IGF2R: variants seen among roughly 807,000 people sequenced by gnomAD.
The protein encoded by IGF2R is cation-independent mannose-6-phosphate receptor.
A neutral mutation model predicts 270.6 loss-of-function variants in IGF2R; 91 were observed. The ratio of observed to expected loss-of-function variants is 0.34; its 90% CI spans 0.28 to 0.40. The LOEUF is 0.40. IGF2R is among the 10% of genes least tolerant of loss of function. The pLI is 1.00. For missense variants in IGF2R, 2,805 were observed against 3,188.3 expected, an observed-to-expected ratio of 0.88 and a Z score of 2.90; for synonymous variants, 1,316 against 1,258.9, an observed-to-expected ratio of 1.05 and a Z score of -0.96.
At chr6:160,089,020 C>T in intron 42 of IGF2R, 87 bp from the exon 43 acceptor site, 1 of 1,361,276 alleles carries the variant, frequency 7.3e-7, no homozygotes, top group Non-Finnish European at 9.9e-7. Context: ...TGAGCTGCTT[C>T]AAGGGCTCCG....
chr6:160,055,871 T>C (rs757082562), intron 19 of IGF2R, among the ~76,000 whole-genome samples: 1 of 152,136 alleles, frequency 6.6e-6, no homozygotes, highest in Non-Finnish European at 1.5e-5. Context: ...TTGGGGGAGC[T>C]TTTTATGGAA....
At chr6:159,992,604 AC>A (rs1783996317) in intron 2 of IGF2R, among the ~76,000 whole-genome samples, 1 of 151,086 alleles carries the variant, frequency 6.6e-6, no homozygotes, top group Non-Finnish European at 1.5e-5. Flanking sequence ...GAAATCACAC[AC>A]ACACACACAC....
intron 5 of IGF2R, 98 bp from the exon 6 acceptor site, chr6:160,027,087 G>A: frequency 3.7e-6 from 5 of 1,336,964 alleles, no homozygotes; most frequent in Non-Finnish European, 4.2e-6. Flanking sequence ...AGACTTTTAG[G>A]AATTCAATAA....
intron 41 of IGF2R, among the ~76,000 whole-genome samples, chr6:160,085,754 T>C (rs1779085686): frequency 6.6e-6 from 1 of 152,236 alleles, no homozygotes; most frequent in Non-Finnish European, 1.5e-5. Context: ...ACAGGGCTAC[T>C]TCAGATTAGC....
rs769940770 is a variant in IGF2R at position 160,047,776 on chromosome 6, A to T, written c.2230-16A>T. Reference sequence around the variant, plus strand: ...TTCTCTTTTTGCCATCCCTCCGCGCATCTGCCGTGGATTAGGAAGAGGATA... The same window carrying T: ...TTCTCTTTTTGCCATCCCTCCGCGCTTCTGCCGTGGATTAGGAAGAGGATA... On this transcript the variant is annotated splice_polypyrimidine_tract_variant and intron_variant, in intron 16 of 47. Transcript: ENST00000356956. 3 of 1,518,884 alleles carry T rather than the reference A, an allele frequency of 2.0e-6. No individual in the cohort carries two copies. The African/African-American group carries it at 4.1e-5, about 21-fold the overall frequency. 94.1% of individuals were successfully genotyped at this position (1,518,884 alleles called of 1,614,324 possible).
intron 45 of IGF2R, among the ~76,000 whole-genome samples, chr6:160,099,687 C>T (rs568841274): frequency 1.3e-5 from 2 of 152,228 alleles, no homozygotes; most frequent in South Asian, 4.2e-4. Flanking sequence ...TATAATGAGA[C>T]AGTTTTGAAG....
At chr6:160,063,681 A>G (rs1562363437) in intron 27 of IGF2R, 51 bp downstream of exon 27, 1 of 1,397,590 alleles carries the variant, frequency 7.2e-7, no homozygotes, top group Non-Finnish European at 1.0e-6. Context: ...GAATTAAAAT[A>G]TTAAAATATT....
intron 31 of IGF2R, among the ~76,000 whole-genome samples, chr6:160,071,245 GC>G (rs1252301564): frequency 3.1e-5 from 4 of 128,652 alleles, no homozygotes; most frequent in African/African-American, 9.0e-5. Flanking sequence ...GTGTGTCGAG[GC>G]CCCTGTGCCC....
intron 23 of IGF2R, among the ~76,000 whole-genome samples, 181 bp from the exon 24 acceptor site, chr6:160,061,322 T>C (rs567787390): frequency 6.6e-6 from 1 of 152,314 alleles, no homozygotes; most frequent in South Asian, 2.1e-4. Context: ...AAGGGCAGTT[T>C]TGAGGGACAG....
chr6:160,045,800 T>C lies in IGF2R; in HGVS notation c.1821T>C (p.Tyr607=), dbSNP rs1229558219. Residue 607 remains tyrosine, a synonymous_variant, in exon 14 of 48, where the codon TAT becomes TAC. Coordinates refer to ENST00000356956, the MANE Select transcript of IGF2R (RefSeq NM_000876.4). ...CTTCTGGGGAAGGCGGTTGCTTTTA[T>C]GAGTTTGAGTGGCACACAGCTGCGG... ...LRTSGEGGCF[Y]EFEWHTAAAC... is the part of the protein sequence containing the mutation. 6.2e-7 allele frequency: 1 copy of C among 1,613,892 alleles called. No individual in the cohort carries two copies. The highest frequency in any genetic ancestry group is 1.3e-5 in the African/African-American group (1 of 74,924).
At chr6:160,082,459 G>A (rs545505616) in intron 39 of IGF2R, among the ~76,000 whole-genome samples, 3 of 152,102 alleles carry the variant, frequency 2.0e-5, no homozygotes, top group East Asian at 1.9e-4. Flanking sequence ...ACAGGGGCCC[G>A]CCACCTCACC....
chr6:160,043,418 T>A (rs1342343486), intron 12 of IGF2R, 130 bp downstream of exon 12: 1 of 1,096,620 alleles, frequency 9.1e-7, no homozygotes, highest in Non-Finnish European at 1.3e-6. Flanking sequence ...ATGGTAAAAA[T>A]TTTTCATTCA....
chr6:159,983,410 C>G (rs1583241421), intron 1 of IGF2R, among the ~76,000 whole-genome samples: 1 of 152,194 alleles, frequency 6.6e-6, no homozygotes, highest in East Asian at 1.9e-4. Flanking sequence ...CTCTGTACTT[C>G]TGAACAGGCG....
intron 37 of IGF2R, 27 bp from the exon 38 acceptor site, chr6:160,079,553 T>C (rs976188405): frequency 4.3e-6 from 6 of 1,400,066 alleles, no homozygotes; most frequent in Non-Finnish European, 5.6e-6. Flanking sequence ...GCCACTCTGC[T>C]GACGGCCACG....
At chr6:160,064,558 G>A (rs776121616) in intron 28 of IGF2R, 27 bp downstream of exon 28, 8 of 1,612,302 alleles carry the variant, frequency 5.0e-6, no homozygotes, top group African/African-American at 1.3e-5. Context: ...GGCCCTCAGC[G>A]GGGTCTTCTC....
chr6:160,084,913 A>C lies in IGF2R; in HGVS notation c.6069-82A>C, dbSNP rs1250407222. ...CTTAGTTATCAGAACCTTTCTCTGA[A>C]AGTAAAGTGAAGAGCCCTCCTGTGT... On this transcript the variant is annotated intron_variant, in intron 40 of 47. Transcript: ENST00000356956. The surrounding 1 kb of genome is among the most constrained non-coding windows in gnomAD (Gnocchi z 4.6). 1 of 1,352,528 alleles carries C rather than the reference A, an allele frequency of 7.4e-7. No individual in the cohort carries two copies. The highest frequency in any genetic ancestry group is 2.1e-5 in the Admixed American group (1 of 47,372). The allele number at this position is 1,352,528 out of a possible 1,614,324, so 83.8% of individuals were successfully genotyped here. A position where few individuals can be genotyped will look rare whatever the true frequency, so the allele number is the denominator to read the frequency against.
chr6:160,071,234 G>A (rs1415329430), intron 31 of IGF2R, among the ~76,000 whole-genome samples: 1 of 136,390 alleles, frequency 7.3e-6, no homozygotes, highest in African/African-American at 2.8e-5. Context: ...GAAGGGTGGG[G>A]GTGTGTCGAG....
chr6:160,009,300 CA>C (rs1458079152), intron 3 of IGF2R, among the ~76,000 whole-genome samples, 166 bp downstream of exon 3: 22 of 152,078 alleles, frequency 1.4e-4, no homozygotes, highest in African/African-American at 4.8e-4. Flanking sequence ...AATAAGTAAA[CA>C]AATTCTAAAC....
chr6:160,097,688 A>G (rs1196183590), intron 45 of IGF2R, among the ~76,000 whole-genome samples: 1 of 152,186 alleles, frequency 6.6e-6, no homozygotes, highest in African/African-American at 2.4e-5. Context: ...AGATTGGGGG[A>G]ACATGAATTC....
Sources: allele counts gnomAD v4.1 joint callset (sites outside exome capture counted in the v4.1 genomes callset), GRCh38; gene constraint gnomAD v4.1.1; non-coding constraint Gnocchi (gnomAD v3.1); transcripts MANE v1.5; gene names NCBI Gene and HGNC (gene_info 2026-07-23, HGNC 2026-07-21).